The following SLC14A2 variants were observed in gnomAD, a reference collection of about 807,000 sequenced individuals.
SLC14A2 encodes the protein urea transporter 2.
SLC14A2 carries 91 observed loss-of-function variants against 104.6 expected under a neutral mutation model. The ratio of observed to expected loss-of-function variants is 0.87; its 90% CI spans 0.73 to 1.04. The LOEUF is 1.04. Ranked by LOEUF, SLC14A2 falls within the 50% of genes least tolerant of loss-of-function variation. The pLI is 0.00. For missense variants in SLC14A2, 1,189 were observed against 1,156.0 expected, an observed-to-expected ratio of 1.03 and a Z score of -0.41; for synonymous variants, 476 against 466.4, an observed-to-expected ratio of 1.02 and a Z score of -0.27.
chr18:45,178,925 T>G, the SLC14A2 span, among the ~76,000 whole-genome samples: 1 of 152,188 alleles, frequency 6.6e-6, no homozygotes, highest in Non-Finnish European at 1.5e-5. Flanking sequence ...TGTTAATCAC[T>G]TTCTCAGTAA....
chr18:45,345,088 A>G (rs1282725970), intron 1 of SLC14A2, among the ~76,000 whole-genome samples: 5 of 152,068 alleles, frequency 3.3e-5, no homozygotes, highest in African/African-American at 1.2e-4. Context: ...GTTCTGCCCA[A>G]TTTCTCTGTG....
intron 1 of SLC14A2, among the ~76,000 whole-genome samples, chr18:45,461,991 G>C (rs983860143): frequency 2.0e-5 from 3 of 152,136 alleles, no homozygotes; most frequent in African/African-American, 7.2e-5. Context: ...GAAAGCGTAA[G>C]AAACAAACTG....
At chr18:45,517,011 G>A (rs2043450215) in intron 2 of SLC14A2, among the ~76,000 whole-genome samples, 1 of 152,222 alleles carries the variant, frequency 6.6e-6, no homozygotes, top group African/African-American at 2.4e-5. Context: ...TCTCTCTCCA[G>A]GCTCTCACTG....
chr18:45,682,074 A>G (rs1021251303), intron 19 of SLC14A2, among the ~76,000 whole-genome samples: 3 of 152,242 alleles, frequency 2.0e-5, no homozygotes, highest in African/African-American at 4.8e-5. Context: ...GATGACTTCT[A>G]CATAAGGGCA....
At chr18:45,526,855 A>G (rs761229324) in intron 2 of SLC14A2, among the ~76,000 whole-genome samples, 43 of 152,306 alleles carry the variant, frequency 2.8e-4, no homozygotes, top group Non-Finnish European at 7.4e-5. Context: ...AGTTGCTAAG[A>G]AATTCACCAT....
intron 2 of SLC14A2, among the ~76,000 whole-genome samples, chr18:45,573,423 T>G (rs1339853904): frequency 1.3e-5 from 2 of 152,172 alleles, no homozygotes; most frequent in Non-Finnish European, 2.9e-5. Flanking sequence ...TAAGAAATAA[T>G]AAATAACTGA....
At chr18:45,279,920 G>A (rs2084744298) in intron 1 of SLC14A2, among the ~76,000 whole-genome samples, 1 of 152,152 alleles carries the variant, frequency 6.6e-6, no homozygotes, top group South Asian at 2.1e-4. Flanking sequence ...GTTGGAGGGT[G>A]TCCTGTGCCT....
intron 1 of SLC14A2, among the ~76,000 whole-genome samples, chr18:45,478,385 G>C (rs1267371077): frequency 6.6e-6 from 1 of 152,196 alleles, no homozygotes; most frequent in Admixed American, 6.5e-5. Context: ...CCTGCCTTCT[G>C]TACTGATCTC....
chr18:45,262,879 T>C (rs1465015767), intron 1 of SLC14A2, among the ~76,000 whole-genome samples: 1 of 152,202 alleles, frequency 6.6e-6, no homozygotes, highest in Non-Finnish European at 1.5e-5. Flanking sequence ...ACTTTGTATT[T>C]TGAAAGAATT....
intron 2 of SLC14A2, among the ~76,000 whole-genome samples, chr18:45,505,671 C>T (rs1228898706): frequency 1.3e-5 from 2 of 151,760 alleles, no homozygotes; most frequent in Admixed American, 6.6e-5. Context: ...CAGTAGTCCT[C>T]GGCCCCCCGA....
At chr18:45,278,960 A>C (rs2084732773) in intron 1 of SLC14A2, among the ~76,000 whole-genome samples, 1 of 152,216 alleles carries the variant, frequency 6.6e-6, no homozygotes, top group South Asian at 2.1e-4. Context: ...CAACAGTCCC[A>C]AAAGTTTCTA....
rs117806065 is a variant in SLC14A2 at position 45,256,951 on chromosome 18, A to G, written c.-125+43760A>G. Among the ~76,000 whole-genome samples, 1,192 of 152,346 alleles carry G rather than the reference A, an allele frequency of 7.8e-3. 55 individuals carry two copies. In the East Asian group the frequency reaches 0.12, roughly 15 times the overall value. On this transcript the variant is annotated intron_variant, in intron 1 of 20. Coordinates refer to the SLC14A2 transcript ENST00000586448. ...CAAGGCCATGAAATGGCCGTATATT[A>G]CCCCTTTACATGGACCAGTGTTGCT...
intron 1 of SLC14A2, among the ~76,000 whole-genome samples, chr18:45,472,998 C>G (rs769326299): frequency 6.6e-6 from 1 of 152,010 alleles, no homozygotes; most frequent in Non-Finnish European, 1.5e-5. Flanking sequence ...TCTAGGGTTT[C>G]TGTGGTTTTA....
chr18:45,647,982 T>C (rs2045650870), intron 10 of SLC14A2: 2 of 152,122 alleles, frequency 1.3e-5, no homozygotes, highest in South Asian at 4.1e-4. Context: ...AATTTCTCTA[T>C]GTTCTTATTT....
At chr18:45,473,517 G>A (rs2087293061) in intron 1 of SLC14A2, among the ~76,000 whole-genome samples, 1 of 152,190 alleles carries the variant, frequency 6.6e-6, no homozygotes, top group Admixed American at 6.5e-5. Flanking sequence ...AGCATCAAGT[G>A]TTTTTCCATT....
intron 1 of SLC14A2, among the ~76,000 whole-genome samples, chr18:45,241,923 G>A (rs139632206): frequency 6.4e-4 from 98 of 152,154 alleles, no homozygotes; most frequent in Non-Finnish European, 1.1e-3. Context: ...GATTACAGGT[G>A]TGAACCACAG....
At chr18:45,353,511 G>C (rs1437222411) in intron 1 of SLC14A2, among the ~76,000 whole-genome samples, 2 of 152,164 alleles carry the variant, frequency 1.3e-5, no homozygotes, top group African/African-American at 2.4e-5. Context: ...CATGTGACCT[G>C]GTATAGCACA....
intron 1 of SLC14A2, among the ~76,000 whole-genome samples, chr18:45,238,786 T>C (rs571423170): frequency 6.6e-6 from 1 of 152,290 alleles, no homozygotes; most frequent in East Asian, 1.9e-4. Context: ...TAGAGGCACA[T>C]TGTTGTTTCT....
intron 1 of SLC14A2, among the ~76,000 whole-genome samples, chr18:45,371,858 C>G (rs912254430): frequency 6.6e-6 from 1 of 152,054 alleles, no homozygotes. Context: ...AATTCATTGA[C>G]GAGTATGTGT....
Sources: gnomAD v4.1 joint callset for allele counts (sites outside exome capture counted in the v4.1 genomes callset) on GRCh38, gnomAD v4.1.1 for gene constraint, MANE v1.5 for transcripts, NCBI Gene and HGNC (gene_info 2026-07-23, HGNC 2026-07-21) for gene names.